KLF8: variants seen among roughly 807,000 people sequenced by gnomAD.
KLF8 encodes Krueppel-like factor 8.
A neutral mutation model predicts 18.2 loss-of-function variants in KLF8; 10 were observed. That is an observed-to-expected ratio of 0.55 (90% confidence interval 0.34 to 0.93). KLF8 has a LOEUF of 0.93. KLF8 is among the 40% of genes least tolerant of loss of function. The probability of loss-of-function intolerance (pLI) is 0.02; values close to 1 mark genes in which losing one functional copy is unlikely to be tolerated. For synonymous variants in KLF8, 109 were observed against 97.3 expected (o/e 1.12, Z -0.71); for missense variants, 264 against 277.9 (o/e 0.95, Z 0.36).
chrX:56,202,315 G>A, the KLF8 span, among the ~76,000 whole-genome samples: 6 of 109,788 alleles, frequency 5.5e-5, no homozygotes, highest in East Asian at 8.5e-4. Context: ...CATAGTAGGT[G>A]TATATATTTA....
chrX:56,146,714 A>T, the KLF8 span, among the ~76,000 whole-genome samples: 4 of 12,700 alleles, frequency 3.1e-4, no homozygotes, highest in Non-Finnish European at 8.5e-4. Flanking sequence ...AAGTATAATA[A>T]AAAAAAAAAA....
At chrX:56,054,723 G>A in the KLF8 span, among the ~76,000 whole-genome samples, 2 of 111,465 alleles carry the variant, frequency 1.8e-5, no homozygotes, top group Non-Finnish European at 1.9e-5. Flanking sequence ...GTGAGTCTAC[G>A]TCTCTTTGAA....
chrX:56,010,765 A>C, the KLF8 span, among the ~76,000 whole-genome samples: 1 of 112,184 alleles, frequency 8.9e-6, no homozygotes, highest in Non-Finnish European at 1.9e-5. Context: ...GGATGGAGGA[A>C]AATTTACCAA....
At chrX:56,001,577 G>A in the KLF8 span, among the ~76,000 whole-genome samples, 7 of 111,788 alleles carry the variant, frequency 6.3e-5, no homozygotes, top group Non-Finnish European at 7.5e-5. Context: ...CTTCTTTCCC[G>A]TGGGTAAACA....
chrX:56,152,807 T>G, the KLF8 span, among the ~76,000 whole-genome samples: 1 of 112,271 alleles, frequency 8.9e-6, no homozygotes, highest in Non-Finnish European at 1.9e-5. Context: ...TATTCTAACT[T>G]CTCAGTGTGT....
chrX:56,120,105 T>C, the KLF8 span, among the ~76,000 whole-genome samples: 2 of 110,984 alleles, frequency 1.8e-5, no homozygotes, highest in East Asian at 5.7e-4. Flanking sequence ...GCAGTGCAAA[T>C]AGAGCTCCAA....
the KLF8 span, among the ~76,000 whole-genome samples, chrX:56,061,141 G>C: frequency 3.6e-5 from 4 of 111,569 alleles, no homozygotes; most frequent in Non-Finnish European, 7.5e-5. Flanking sequence ...ATTTTTTGAA[G>C]GGTGTTTTGT....
chrX:56,019,451 A>G, the KLF8 span, among the ~76,000 whole-genome samples: 13 of 112,412 alleles, frequency 1.2e-4, no homozygotes, highest in Non-Finnish European at 2.3e-4. Context: ...TTTAAAGGTT[A>G]TTGGATTATC....
the KLF8 span, among the ~76,000 whole-genome samples, chrX:55,918,829 G>A: frequency 3.4e-3 from 384 of 111,631 alleles, 2 homozygotes; most frequent in African/African-American, 0.012. Flanking sequence ...CCACCTTAAT[G>A]ATTTCATCTT....
chrX:56,018,092 T>C, the KLF8 span, among the ~76,000 whole-genome samples: 1 of 111,754 alleles, frequency 8.9e-6, no homozygotes, highest in Non-Finnish European at 1.9e-5. Flanking sequence ...TATTGTTAAC[T>C]ATAGTGGCCC....
intron 2 of KLF8, among the ~76,000 whole-genome samples, chrX:56,261,372 A>G (rs1024469158): frequency 8.9e-6 from 1 of 111,795 alleles, no homozygotes; most frequent in Non-Finnish European, 1.9e-5. Context: ...GCAAATGGGG[A>G]AAGTAGCTAT....
At chrX:56,006,546 C>T in the KLF8 span, among the ~76,000 whole-genome samples, 2 of 112,220 alleles carry the variant, frequency 1.8e-5, no homozygotes, top group Non-Finnish European at 3.8e-5. Context: ...TATCTTGAAT[C>T]CAGAATCTCA....
chrX:56,030,651 G>A, the KLF8 span, among the ~76,000 whole-genome samples: 2 of 108,626 alleles, frequency 1.8e-5, no homozygotes, highest in South Asian at 4.3e-4. Context: ...AGCCACCAAG[G>A]GAGGAGTTTC....
chrX:56,140,536 T>C, the KLF8 span, among the ~76,000 whole-genome samples: 1 of 111,116 alleles, frequency 9.0e-6, no homozygotes, highest in Non-Finnish European at 1.9e-5. Flanking sequence ...TATTCTTTTA[T>C]AAGTGACAGC....
At chrX:56,174,391 A>G in the KLF8 span, among the ~76,000 whole-genome samples, 2 of 111,826 alleles carry the variant, frequency 1.8e-5, no homozygotes, top group Middle Eastern at 9.2e-3. Context: ...TGTATGTTGG[A>G]TTACGTTTAT....
chrX:56,101,647 A>G, the KLF8 span, among the ~76,000 whole-genome samples: 1 of 111,905 alleles, frequency 8.9e-6, no homozygotes, highest in Admixed American at 9.5e-5. Flanking sequence ...TGACATTTAA[A>G]TAACAGCCAC....
At chrX:56,099,850 G>A in the KLF8 span, among the ~76,000 whole-genome samples, 5 of 112,165 alleles carry the variant, frequency 4.5e-5, no homozygotes, top group Admixed American at 2.8e-4. Flanking sequence ...TTTAAGAAAA[G>A]AAGCCATTTC....
At chrX:56,207,974 G>A in the KLF8 span, among the ~76,000 whole-genome samples, 30 of 111,070 alleles carry the variant, frequency 2.7e-4, no homozygotes, top group Middle Eastern at 4.6e-3. Context: ...GCAAAGTCAC[G>A]TCTTACATCG....
chrX:56,027,358 C>T, the KLF8 span, among the ~76,000 whole-genome samples: 1 of 111,874 alleles, frequency 8.9e-6, no homozygotes, highest in Non-Finnish European at 1.9e-5. Flanking sequence ...CAATGCGTGA[C>T]TGCCACCTTT....
Sources: allele counts gnomAD v4.1 joint callset (sites outside exome capture counted in the v4.1 genomes callset), GRCh38; gene constraint gnomAD v4.1.1; transcripts MANE v1.5; gene names NCBI Gene and HGNC (gene_info 2026-07-23, HGNC 2026-07-21).